Variants in CPS1 observed in about 807,000 individuals in gnomAD.
The protein encoded by CPS1 is carbamoyl-phosphate synthase [ammonia], mitochondrial.
CPS1 carries 109 observed loss-of-function variants against 174.6 expected under a neutral mutation model. The observed-to-expected ratio is 0.62, with a 90% CI of 0.53 to 0.73. The LOEUF is 0.73. Ranked by LOEUF, CPS1 falls within the 30% of genes least tolerant of loss-of-function variation. The pLI is 0.00. For synonymous variants in CPS1, 637 were observed against 632.0 expected, an observed-to-expected ratio of 1.01 and a Z score of -0.12; for missense variants, 1,689 against 1,821.9, an observed-to-expected ratio of 0.93 and a Z score of 1.33.
rs142369181 is a variant in CPS1 at position 210,600,632 on chromosome 2, G to T, written c.1627G>T (p.Ala543Ser). 2 of 1,612,244 alleles carry T rather than the reference G, an allele frequency of 1.2e-6. No homozygotes were observed. Among genetic ancestry groups the T allele is most frequent in the Non-Finnish European group, 1.7e-6 (2 of 1,178,858 alleles). The change falls in exon 15 of 38, where the codon GCT becomes TCT. Residue 543 changes from alanine to serine, a missense_variant. Transcript: ENST00000233072. ...GGGAACTTCAGTTGAGTCCATTATGGCTACGGAAGACAGGCAGCTGTTTTC... is the reference window on the plus strand; with the variant it reads ...GGGAACTTCAGTTGAGTCCATTATGTCTACGGAAGACAGGCAGCTGTTTTC... ...VLGTSVESIMATEDRQLFSDK... is the reference protein window; with the variant it reads ...VLGTSVESIMSTEDRQLFSDK...
chr2:210,486,220 A>G (rs868783910), intron 1 of CPS1, among the ~76,000 whole-genome samples: 3 of 150,746 alleles, frequency 2.0e-5, no homozygotes, highest in South Asian at 2.1e-4. Flanking sequence ...CCCCATTCCC[A>G]GCTTTTAAAT....
chr2:210,606,235 A>G lies in CPS1; in HGVS notation c.1982-496A>G, dbSNP rs913782169. On this transcript the variant is annotated intron_variant, in intron 17 of 37. Coordinates refer to ENST00000233072, the MANE Select transcript of CPS1 (RefSeq NM_001875.5). ...GTAAAGAATGAGAGAGAAGCTTTGT[A>G]TGGTTGTCTGGCAATGTTGGGAGAA... Among the ~76,000 whole-genome samples, 10 of 151,978 alleles carry G rather than the reference A, an allele frequency of 6.6e-5. No homozygotes were observed. The South Asian group carries it at 1.0e-3, about 16-fold the overall frequency.
intron 33 of CPS1, 95 bp downstream of exon 33, chr2:210,663,292 C>A: frequency 8.5e-7 from 1 of 1,172,358 alleles, no homozygotes; most frequent in Non-Finnish European, 1.3e-6. Flanking sequence ...GGAATAAAAA[C>A]ATCTGCTATC....
rs545286571 is a variant in CPS1, at chr2:210,495,251, G to A, written c.3+17485G>A. On this transcript the variant is annotated intron_variant, in intron 1 of 38. Transcript: ENST00000430249. ...TGGGGAGCAGAGGAACCTCTTATTT[G>A]TAGGTCATCTGTCCACTAAAGTTAC... Among the ~76,000 whole-genome samples, 25 of 152,184 alleles carry A rather than the reference G, an allele frequency of 1.6e-4. 1 individual carries two copies. The East Asian group carries it at 4.3e-3, about 26-fold the overall frequency.
chr2:210,656,021 A>G (rs1700693792), intron 29 of CPS1, among the ~76,000 whole-genome samples: 1 of 152,202 alleles, frequency 6.6e-6, no homozygotes, highest in Non-Finnish European at 1.5e-5. Flanking sequence ...CTTCTAAAAA[A>G]GGACTAGAAT....
At chr2:210,549,190 T>G (rs1696650964) in intron 1 of CPS1, among the ~76,000 whole-genome samples, 1 of 152,058 alleles carries the variant, frequency 6.6e-6, no homozygotes, top group African/African-American at 2.4e-5. Context: ...TAGATAACCA[T>G]CTACCTCACA....
chr2:210,519,893 A>T (rs1396853433), intron 1 of CPS1: 1 of 583,096 alleles, frequency 1.7e-6, no homozygotes, highest in African/African-American at 2.0e-5. Flanking sequence ...GTTCCAGCAT[A>T]CAGTGCTCAG....
chr2:210,643,927 G>C (rs988719540), intron 25 of CPS1, among the ~76,000 whole-genome samples: 1 of 152,032 alleles, frequency 6.6e-6, no homozygotes, highest in African/African-American at 2.4e-5. Context: ...CAGTATGATA[G>C]ACAGCTGGAA....
At chr2:210,640,855 T>A (rs1342408447) in intron 24 of CPS1, among the ~76,000 whole-genome samples, 1 of 152,224 alleles carries the variant, frequency 6.6e-6, no homozygotes, top group Non-Finnish European at 1.5e-5. Flanking sequence ...AAATGTTATA[T>A]CTTTACCACC....
chr2:210,526,616 C>T (rs1263648900), intron 1 of CPS1, among the ~76,000 whole-genome samples: 4 of 151,738 alleles, frequency 2.6e-5, no homozygotes, highest in Non-Finnish European at 5.9e-5. Context: ...TTTTTCTTTC[C>T]TCACTTCCCT....
At chr2:210,477,912 T>C in intron 1 of CPS1, 1 of 878,248 alleles carries the variant, frequency 1.1e-6, no homozygotes, top group Non-Finnish European at 1.8e-6. Context: ...CCACTCACAG[T>C]CTTTAAGCAA....
intron 21 of CPS1, among the ~76,000 whole-genome samples, chr2:210,627,886 T>C (rs951673321): frequency 6.6e-6 from 1 of 152,172 alleles, no homozygotes; most frequent in Admixed American, 6.5e-5. Flanking sequence ...TCTGGTTCTT[T>C]CCCTTCCTCC....
intron 15 of CPS1, among the ~76,000 whole-genome samples, chr2:210,601,935 G>A (rs1393627270): frequency 6.6e-6 from 1 of 151,652 alleles, no homozygotes; most frequent in Admixed American, 6.6e-5. Context: ...TTTGACCATG[G>A]TTCTGTTTCA....
At chr2:210,627,929 T>C (rs986082567) in intron 21 of CPS1, among the ~76,000 whole-genome samples, 5 of 152,212 alleles carry the variant, frequency 3.3e-5, no homozygotes, top group African/African-American at 1.2e-4. Flanking sequence ...ATTAAGCACT[T>C]ATTACCTTCT....
At chr2:210,500,141 T>C (rs1206707719) in intron 1 of CPS1, among the ~76,000 whole-genome samples, 3 of 151,984 alleles carry the variant, frequency 2.0e-5, no homozygotes, top group Non-Finnish European at 4.4e-5. Context: ...GAAAACAGCA[T>C]GGGGGAACCG....
At chr2:210,524,645 C>T (rs939245435) in intron 1 of CPS1, among the ~76,000 whole-genome samples, 2 of 151,888 alleles carry the variant, frequency 1.3e-5, no homozygotes, top group African/African-American at 2.4e-5. Context: ...TCCAATCTCC[C>T]TTAGCTAATT....
At chr2:210,554,331 A>G (rs1696833915), upstream of CPS1, among the ~76,000 whole-genome samples, 1 of 151,286 alleles carries the variant, frequency 6.6e-6, no homozygotes, top group South Asian at 2.1e-4. Context: ...CTTTACTGAT[A>G]AAAATGAAAG....
At chr2:210,513,639 T>C (rs921437553) in intron 1 of CPS1, among the ~76,000 whole-genome samples, 8 of 151,994 alleles carry the variant, frequency 5.3e-5, no homozygotes, top group Admixed American at 4.6e-4. Context: ...ATTCTGTAGG[T>C]TGTCTGTGTA....
intron 1 of CPS1, among the ~76,000 whole-genome samples, chr2:210,565,538 C>A (rs1040851282): frequency 1.3e-5 from 2 of 152,052 alleles, no homozygotes; most frequent in Non-Finnish European, 2.9e-5. Context: ...GAAAAACATA[C>A]AAACATAATT....
Sources: allele counts gnomAD v4.1 joint callset (sites outside exome capture counted in the v4.1 genomes callset), GRCh38; gene constraint gnomAD v4.1.1; transcripts MANE v1.5; gene names NCBI Gene and HGNC (gene_info 2026-07-23, HGNC 2026-07-21).